The following QKI variants were observed in gnomAD, a reference collection of about 807,000 sequenced individuals.
The protein encoded by QKI is KH domain-containing RNA-binding protein QKI.
Under a neutral mutation model 39.0 loss-of-function variants are expected in QKI, and 10 were observed. That is an observed-to-expected ratio of 0.26 (90% CI 0.16 to 0.43). The LOEUF is 0.43. Among genes scored for constraint, QKI ranks in the 20% least tolerant of loss-of-function variants. The pLI, the probability that QKI is intolerant of heterozygous loss-of-function variation, is 1.00. For synonymous variants in QKI, 204 were observed against 155.4 expected (o/e 1.31, Z -2.33); for missense variants, 218 against 428.0 (o/e 0.51, Z 4.33).
intron 1 of QKI, among the ~76,000 whole-genome samples, chr6:163,416,711 C>T (rs1412502127): frequency 6.6e-6 from 1 of 152,118 alleles, no homozygotes; most frequent in Non-Finnish European, 1.5e-5. Context: ...TTAGGTGTTA[C>T]GGCTTTCTCG....
chr6:163,458,145 T>G (rs1156358818), intron 2 of QKI, among the ~76,000 whole-genome samples: 1 of 152,154 alleles, frequency 6.6e-6, no homozygotes, highest in Non-Finnish European at 1.5e-5. Context: ...GAACTCAGAT[T>G]CAGACTTCTA....
At chr6:163,419,576 C>T (rs1392931469) in intron 1 of QKI, among the ~76,000 whole-genome samples, 1 of 152,110 alleles carries the variant, frequency 6.6e-6, no homozygotes, top group Non-Finnish European at 1.5e-5. Context: ...TCACTTCTTT[C>T]CATTATCTTT....
chr6:163,472,034 TAAAC>T (rs893756550), intron 2 of QKI, among the ~76,000 whole-genome samples: 16 of 152,074 alleles, frequency 1.1e-4, no homozygotes, highest in African/African-American at 3.6e-4. Context: ...ACTTGACCCT[TAAAC>T]AACATGGGGC....
Position 163,415,142 on chromosome 6 carries a change from TCCGGCG to T in QKI, c.-51_-46del, listed in dbSNP as rs1291662053. On this transcript the variant is annotated 5_prime_UTR_variant, in exon 1 of 8. Transcript: ENST00000361752. ...GGCTCGCCCCCGCCCCTCCCTCCTC[TCCGGCG>T]GCGGCGGCGGCGGCGGCGGGCGGAG... 7.4e-6 allele frequency: 10 copies of T among 1,347,278 alleles called. No homozygotes were observed. Among genetic ancestry groups the T allele is most frequent in the Non-Finnish European group, 9.7e-6 (10 of 1,027,946 alleles). 83.5% of individuals were successfully genotyped at this position (1,347,278 alleles called of 1,614,324 possible). A position where few individuals can be genotyped will look rare whatever the true frequency, so the allele number is the denominator to read the frequency against.
rs145989756 is a variant in QKI at position 163,551,299 on chromosome 6, G to A, written c.547-10683G>A. 2.0e-5 allele frequency among the ~76,000 whole-genome samples: 3 copies of A among 152,266 alleles called. No homozygotes were observed. In the East Asian group the frequency reaches 5.8e-4, roughly 29 times the overall value. On this transcript the variant is annotated intron_variant, in intron 4 of 7. Transcript: ENST00000361752. ...TCCTCCGATTTAATCCTGTTCTGACGCTGTCCACCTGGAGATAGCCTTAGG... is the reference window on the plus strand; with the variant it reads ...TCCTCCGATTTAATCCTGTTCTGACACTGTCCACCTGGAGATAGCCTTAGG...
In QKI at chr6:163,571,890, A is replaced by C. The variant is rs895689243; in HGVS notation, c.*1180A>C. The C allele has an allele frequency of 6.6e-6, 1 of 152,166 alleles. No homozygotes were observed. The highest frequency in any genetic ancestry group is 1.5e-5 in the Non-Finnish European group (1 of 68,034). The allele number at this position is 152,166 out of a possible 1,614,324, so 9.4% of individuals were successfully genotyped here. ...GCCTTATTTTCCTTCATGGTCATTCAGTCAAGTGTCTCATAAAGATCAGCT... is the reference window on the plus strand; with the variant it reads ...GCCTTATTTTCCTTCATGGTCATTCCGTCAAGTGTCTCATAAAGATCAGCT... On this transcript the variant is annotated 3_prime_UTR_variant, in exon 8 of 8. Transcript: ENST00000361752.
At chr6:163,506,757 C>T (rs1356915928) in intron 3 of QKI, among the ~76,000 whole-genome samples, 2 of 152,042 alleles carry the variant, frequency 1.3e-5, no homozygotes, top group African/African-American at 4.8e-5. Context: ...TTACCATGAC[C>T]CTTAGTATTG....
At chr6:163,416,979 C>CGCCA (rs1787566692) in intron 1 of QKI, among the ~76,000 whole-genome samples, 2 of 151,514 alleles carry the variant, frequency 1.3e-5, no homozygotes, top group Admixed American at 1.3e-4. Context: ...CGCTAAGGGG[C>CGCCA]GCCAGTTATT....
chr6:163,422,430 C>G (rs780819256), intron 1 of QKI, among the ~76,000 whole-genome samples: 5 of 151,942 alleles, frequency 3.3e-5, no homozygotes, highest in Non-Finnish European at 5.9e-5. Flanking sequence ...ATTGAAGTAT[C>G]GGAAAGAACA....
intron 2 of QKI, among the ~76,000 whole-genome samples, chr6:163,471,202 A>G (rs1195925140): frequency 6.6e-6 from 1 of 152,166 alleles, no homozygotes; most frequent in Non-Finnish European, 1.5e-5. Context: ...TTCCATTAGT[A>G]ACAGTGGAAT....
chr6:163,521,427 G>A (rs547060502), intron 3 of QKI, among the ~76,000 whole-genome samples: 4 of 152,116 alleles, frequency 2.6e-5, no homozygotes, highest in African/African-American at 7.2e-5. Context: ...TGTTTGATTC[G>A]CTCTTATTAC....
intron 4 of QKI, among the ~76,000 whole-genome samples, chr6:163,536,024 T>C (rs1781181984): frequency 6.6e-6 from 1 of 152,206 alleles, no homozygotes; most frequent in Non-Finnish European, 1.5e-5. Context: ...TCCTGCTGCT[T>C]TTTATTTCCC....
intron 1 of QKI, among the ~76,000 whole-genome samples, chr6:163,452,869 A>G (rs1345943501): frequency 6.6e-6 from 1 of 152,144 alleles, no homozygotes; most frequent in Non-Finnish European, 1.5e-5. Context: ...CTGGGATTAC[A>G]GGCGTCTGCC....
At chr6:163,419,334 A>G (rs1787799977) in intron 1 of QKI, among the ~76,000 whole-genome samples, 1 of 152,186 alleles carries the variant, frequency 6.6e-6, no homozygotes. Flanking sequence ...TTCATTTACA[A>G]AAGCCTTGAC....
chr6:163,557,786 A>G (rs1437354509), intron 4 of QKI, among the ~76,000 whole-genome samples: 3 of 152,078 alleles, frequency 2.0e-5, no homozygotes, highest in Non-Finnish European at 4.4e-5. Flanking sequence ...TACTTTATAT[A>G]TACATACACC....
chr6:163,552,235 G>A (rs1481834156), intron 4 of QKI, among the ~76,000 whole-genome samples: 5 of 110,748 alleles, frequency 4.5e-5, no homozygotes, highest in African/African-American at 1.4e-4. Context: ...TTTTGACAGA[G>A]ACTAGCTCTG....
rs1791782146 is a variant in QKI at position 163,466,691 on chromosome 6, AC to A, written c.285+11273del. ...ATTGACATTCCAAAGATGAAAGTGG[AC>A]CCTTACTTACACCGTACATAAAAAT... On this transcript the variant is annotated intron_variant, in intron 2 of 7. Coordinates refer to ENST00000361752, the MANE Select transcript of QKI (RefSeq NM_006775.3). Among the ~76,000 whole-genome samples, 7 of 152,282 alleles carry A rather than the reference AC, an allele frequency of 4.6e-5. No individual in the cohort carries two copies. In the South Asian group the frequency reaches 1.5e-3, roughly 32 times the overall value.
chr6:163,524,517 G>A (rs1158815767), intron 3 of QKI, among the ~76,000 whole-genome samples: 1 of 152,030 alleles, frequency 6.6e-6, no homozygotes, highest in African/African-American at 2.4e-5. Flanking sequence ...TGCCCAGGCT[G>A]GAGTGCAGTG....
chr6:163,470,473 C>T (rs1019942630), intron 2 of QKI, among the ~76,000 whole-genome samples: 1 of 152,034 alleles, frequency 6.6e-6, no homozygotes, highest in Non-Finnish European at 1.5e-5. Context: ...ATATTATTGT[C>T]TTTGGCCTTA....
Sources: allele counts gnomAD v4.1 joint callset (sites outside exome capture counted in the v4.1 genomes callset), GRCh38; gene constraint gnomAD v4.1.1; transcripts MANE v1.5; gene names NCBI Gene and HGNC (gene_info 2026-07-23, HGNC 2026-07-21).